KCNQ1: variants seen among roughly 807,000 people sequenced by gnomAD.
The protein encoded by KCNQ1 is potassium voltage-gated channel subfamily KQT member 1.
A neutral mutation model predicts 72.4 loss-of-function variants in KCNQ1; 49 were observed. That is an observed-to-expected ratio of 0.68 (90% CI 0.54 to 0.86). The LOEUF (loss-of-function observed/expected upper bound fraction) is 0.86, where lower values mean the gene tolerates loss of function less well. KCNQ1 is among the 40% of genes least tolerant of loss of function. The pLI, the probability that KCNQ1 is intolerant of heterozygous loss-of-function variation, is 0.00. For synonymous variants in KCNQ1, 450 were observed against 412.6 expected (o/e 1.09, Z -1.10); for missense variants, 790 against 945.1 (o/e 0.84, Z 2.15).
chr11:2,847,840 G>T lies in KCNQ1; in HGVS notation c.1868G>T (p.Ser623Ile), dbSNP rs758805986. The T allele has an allele frequency of 5.1e-6, 8 of 1,568,798 alleles. No homozygotes were observed. The highest frequency in any genetic ancestry group is 4.1e-5 in the African/African-American group (3 of 73,946). Residue 623 changes from serine to isoleucine, a missense_variant, in exon 16 of 16, where the codon AGC (serine) becomes ATC (isoleucine). Ser to Ile is a moderately radical substitution (Grantham distance 142, BLOSUM62 -2). Coordinates refer to ENST00000155840, the MANE Select transcript of KCNQ1 (RefSeq NM_000218.3). ...CAGCTGCTCTCCTTGCACGGTGGCA[G>T]CACCCCCGGCAGCGGCGGCCCCCCC... Reference protein sequence around the residue: ...LHQLLSLHGGSTPGSGGPPRE... With the variant: ...LHQLLSLHGGITPGSGGPPRE...
chr11:2,792,067 G>T (rs990432968), intron 15 of KCNQ1, among the ~76,000 whole-genome samples: 87 of 152,242 alleles, frequency 5.7e-4, no homozygotes, highest in African/African-American at 2.1e-3. Context: ...ACCCCGTTCC[G>T]CGTCCGCTGC....
In KCNQ1 at chr11:2,762,195, T is replaced by C. The variant is rs1590073286; in HGVS notation, c.1515-6649T>C. Among the ~76,000 whole-genome samples, 1 of 152,236 alleles carries C rather than the reference T, an allele frequency of 6.6e-6. No homozygotes were observed. The highest frequency in any genetic ancestry group is 1.5e-5 in the Non-Finnish European group (1 of 68,042). ...GTCAGGCCTGGGAGGGGGGCCTTCATGAGACCATCACGGAGATCTTGGGGC... is the reference window on the plus strand; with the variant it reads ...GTCAGGCCTGGGAGGGGGGCCTTCACGAGACCATCACGGAGATCTTGGGGC... On this transcript the variant is annotated intron_variant, in intron 11 of 15. Coordinates refer to ENST00000155840, the MANE Select transcript of KCNQ1 (RefSeq NM_000218.3). This position sits in a 1 kb window ranked among gnomAD's most constrained non-coding sequence, Gnocchi z 4.3.
chr11:2,700,226 T>G (rs1281092699), intron 11 of KCNQ1, among the ~76,000 whole-genome samples: 2 of 152,132 alleles, frequency 1.3e-5, no homozygotes, highest in Non-Finnish European at 2.9e-5. Context: ...AGGCACTGGC[T>G]GGGTGTGAGG....
In KCNQ1 at chr11:2,471,158, C is replaced by T. The variant is rs967114190; in HGVS notation, c.386+25674C>T. Among the ~76,000 whole-genome samples, 2 of 152,028 alleles carry T rather than the reference C, an allele frequency of 1.3e-5. No homozygotes were observed. The highest frequency in any genetic ancestry group is 2.9e-5 in the Non-Finnish European group (2 of 68,000). Reference sequence around the variant, plus strand: ...TCGATATCTCCCAACGGCTGGGGAACAAGGGCTGACTCGGCTGCAATCATC... The same window carrying T: ...TCGATATCTCCCAACGGCTGGGGAATAAGGGCTGACTCGGCTGCAATCATC... On this transcript the variant is annotated intron_variant, in intron 1 of 15. Coordinates refer to ENST00000155840, the MANE Select transcript of KCNQ1 (RefSeq NM_000218.3). This position sits in a 1 kb window ranked among gnomAD's most constrained non-coding sequence, Gnocchi z 4.8.
At position 2,457,164 on chromosome 11, in the gene KCNQ1, A is replaced by G. The variant is rs2133576055; in HGVS notation, c.386+11680A>G. 6.6e-6 allele frequency among the ~76,000 whole-genome samples: 1 copy of G among 152,244 alleles called. No individual in the cohort carries two copies. On this transcript the variant is annotated intron_variant, in intron 1 of 15. Transcript: ENST00000155840. This position sits in a 1 kb window ranked among gnomAD's most constrained non-coding sequence, Gnocchi z 5.0. Reference sequence around the variant, plus strand: ...TCAAAACAACAGATGCTGGAGAGGCAGTAGAGAAAGGGGAACACTTACACC... The same window carrying G: ...TCAAAACAACAGATGCTGGAGAGGCGGTAGAGAAAGGGGAACACTTACACC...
At chr11:2,460,465 C>A (rs1047455670) in intron 1 of KCNQ1, among the ~76,000 whole-genome samples, 6 of 152,322 alleles carry the variant, frequency 3.9e-5, no homozygotes, top group Non-Finnish European at 8.8e-5. Flanking sequence ...CAGCTCAAGG[C>A]CCTGGCCTCC....
In KCNQ1 at chr11:2,526,535, G is replaced by A. The variant is rs1404623054; in HGVS notation, c.387-1393G>A. On this transcript the variant is annotated intron_variant, in intron 1 of 15. Transcript: ENST00000155840. This position sits in a 1 kb window ranked among gnomAD's most constrained non-coding sequence, Gnocchi z 6.1. ...GGCTACCAGAGGCCAGGAAAGGATT[G>A]TCCTGTCCACAGGAGCTTGGGGAAG... 6.6e-6 allele frequency among the ~76,000 whole-genome samples: 1 copy of A among 152,018 alleles called. No homozygotes were observed. The highest frequency in any genetic ancestry group is 1.5e-5 in the Non-Finnish European group (1 of 67,990).
chr11:2,537,149 C>T lies in KCNQ1; in HGVS notation c.477+9131C>T, dbSNP rs1266657284. ...TCATCATATGAATTTGAGGGCAACC[C>T]AGGGGTCTCCAAACCATGGCCCACA... On this transcript the variant is annotated intron_variant, in intron 2 of 15. Transcript: ENST00000155840. The surrounding 1 kb of genome is among the most constrained non-coding windows in gnomAD (Gnocchi z 5.2). Among the ~76,000 whole-genome samples the T allele has an allele frequency of 6.6e-6, 1 of 151,856 alleles. No individual in the cohort carries two copies. Among genetic ancestry groups the T allele is most frequent in the Non-Finnish European group, 1.5e-5 (1 of 68,012 alleles).
In KCNQ1 at chr11:2,566,406, T is replaced by C. The variant is rs1848248390; in HGVS notation, c.478-4222T>C. On this transcript the variant is annotated intron_variant, in intron 2 of 15. Transcript: ENST00000155840. The surrounding 1 kb of genome is among the most constrained non-coding windows in gnomAD (Gnocchi z 6.7). ...TCCCGGGGCGGGGCTCTCTCTGCCA[T>C]GGACGCCAGTCTTCCCTCCCCTAAG... is the stretch of plus-strand genomic sequence containing the variant. Among the ~76,000 whole-genome samples, 1 of 152,152 alleles carries C rather than the reference T, an allele frequency of 6.6e-6. No homozygotes were observed. Among genetic ancestry groups the C allele is most frequent in the African/African-American group, 2.4e-5 (1 of 41,438 alleles).
intron 1 of KCNQ1, among the ~76,000 whole-genome samples, chr11:2,456,485 A>T (rs1235512471): frequency 6.6e-6 from 1 of 152,196 alleles, no homozygotes; most frequent in Non-Finnish European, 1.5e-5. Context: ...GCTGCTGCAC[A>T]GCAAGAGAGA....
Position 2,687,464 on chromosome 11 carries a change from C to G in KCNQ1, c.1514+25383C>G, listed in dbSNP as rs1850509942. 2.5e-6 allele frequency: 1 copy of G among 398,860 alleles called. No individual in the cohort carries two copies. The highest frequency in any genetic ancestry group is 3.6e-5 in the East Asian group (1 of 28,072). 24.7% of individuals were successfully genotyped at this position (398,860 alleles called of 1,614,324 possible). Reference sequence around the variant, plus strand: ...CAGATCCCTGCCTGCACAAGAGCTGCTGCAGCATTTCAATAGGGCCATCCC... The same window carrying G: ...CAGATCCCTGCCTGCACAAGAGCTGGTGCAGCATTTCAATAGGGCCATCCC... On this transcript the variant is annotated intron_variant, in intron 11 of 15. Transcript: ENST00000155840. The surrounding 1 kb of genome is among the most constrained non-coding windows in gnomAD (Gnocchi z 5.0).
rs1047389433 is a variant in KCNQ1, at chr11:2,750,966, C to G, written c.1515-17878C>G. Reference sequence around the variant, plus strand: ...AGGCTCTTTACCTCTGTCTGTGCACCCACCCAGCCCCTCCTGGGAAAAAGC... The same window carrying G: ...AGGCTCTTTACCTCTGTCTGTGCACGCACCCAGCCCCTCCTGGGAAAAAGC... On this transcript the variant is annotated intron_variant, in intron 11 of 15. Transcript: ENST00000155840. This position sits in a 1 kb window ranked among gnomAD's most constrained non-coding sequence, Gnocchi z 6.3. 6.6e-6 allele frequency among the ~76,000 whole-genome samples: 1 copy of G among 152,150 alleles called. No individual in the cohort carries two copies. The highest frequency in any genetic ancestry group is 2.4e-5 in the African/African-American group (1 of 41,418).
At position 2,661,880 on chromosome 11, in the gene KCNQ1, TG is replaced by T; in HGVS notation, c.1394-78del. The T allele has an allele frequency of 6.3e-7, 1 of 1,574,986 alleles. No homozygotes were observed. The highest frequency in any genetic ancestry group is 8.7e-7 in the Non-Finnish European group (1 of 1,145,882). On this transcript the variant is annotated intron_variant, in intron 10 of 15. Coordinates refer to ENST00000155840, the MANE Select transcript of KCNQ1 (RefSeq NM_000218.3). The surrounding 1 kb of genome is among the most constrained non-coding windows in gnomAD (Gnocchi z 5.9). ...ACAAGCTCCACTCCTCACCTGGCCCTGGGAGCTCACAGGCCTGGCTCCACAG... is the reference window on the plus strand; with the variant it reads ...ACAAGCTCCACTCCTCACCTGGCCCTGGAGCTCACAGGCCTGGCTCCACAG...
At chr11:2,699,180 C>T (rs1850728519) in intron 11 of KCNQ1, 1 of 398,618 alleles carries the variant, frequency 2.5e-6, no homozygotes, top group African/African-American at 2.1e-5. Context: ...AACTATAGAC[C>T]CGGAATCCGA....
Position 2,675,904 on chromosome 11 carries a change from G to A in KCNQ1, c.1514+13823G>A, listed in dbSNP as rs375720871. On this transcript the variant is annotated intron_variant, in intron 11 of 15. Transcript: ENST00000155840. ...CGTGCTTTATGTATTCAAGGGTTGTGCTACAAAAATCATACAACAGTCTTT... is the reference window on the plus strand; with the variant it reads ...CGTGCTTTATGTATTCAAGGGTTGTACTACAAAAATCATACAACAGTCTTT... 5.0e-5 allele frequency: 20 copies of A among 398,670 alleles called. No homozygotes were observed. In the South Asian group the frequency reaches 2.0e-3, roughly 41 times the overall value. 24.7% of individuals were successfully genotyped at this position (398,670 alleles called of 1,614,324 possible).
Position 2,601,394 on chromosome 11 carries a change from T to C in KCNQ1, c.1393+12540T>C, listed in dbSNP as rs368903245. ...AGCTTTTTATTTTTAGACATTCATA[T>C]GCAGTGGTAAGAAATAATAGGGATC... is the stretch of plus-strand genomic sequence containing the variant. On this transcript the variant is annotated intron_variant, in intron 10 of 15. Transcript: ENST00000155840. The surrounding 1 kb of genome is among the most constrained non-coding windows in gnomAD (Gnocchi z 5.2). 2.4e-3 allele frequency among the ~76,000 whole-genome samples: 359 copies of C among 152,348 alleles called. 1 individual carries two copies. Among genetic ancestry groups the C allele is most frequent in the Non-Finnish European group, 4.2e-3 (283 of 68,036 alleles).
rs10400212 is a variant in KCNQ1 at position 2,521,563 on chromosome 11, G to A, written c.387-6365G>A. On this transcript the variant is annotated intron_variant, in intron 1 of 15. Transcript: ENST00000155840. ...TTACACGCCCCGGGGTTTCAGCTTC[G>A]ACCCTGGGTGAGTTCCATGGTGCAG... 1.4e-3 allele frequency: 654 copies of A among 470,596 alleles called. 5 individuals are homozygous for A. Among genetic ancestry groups the A allele is most frequent in the African/African-American group, 9.9e-3 (495 of 50,190 alleles). 29.2% of individuals were successfully genotyped at this position (470,596 alleles called of 1,614,324 possible).
At chr11:2,743,906 G>A (rs944410709) in intron 11 of KCNQ1, among the ~76,000 whole-genome samples, 10 of 152,238 alleles carry the variant, frequency 6.6e-5, no homozygotes, top group African/African-American at 2.2e-4. Flanking sequence ...GTCACAGAAC[G>A]GCAGACTGGG....
rs1850033938 is a variant in KCNQ1, at chr11:2,664,761, CA to C, written c.1514+2681del. On this transcript the variant is annotated intron_variant, in intron 11 of 15. Transcript: ENST00000155840. The surrounding 1 kb of genome is among the most constrained non-coding windows in gnomAD (Gnocchi z 5.1). ...GACAGGGATGTGTGCTGGGGTCTCA[CA>C]GGGGGCAGAGTGGGTGGGAGGCAGT... 2.5e-6 allele frequency: 1 copy of C among 398,764 alleles called. No individual in the cohort carries two copies. Among genetic ancestry groups the C allele is most frequent in the Non-Finnish European group, 4.4e-6 (1 of 226,188 alleles). 24.7% of individuals were successfully genotyped at this position (398,764 alleles called of 1,614,324 possible).
Sources: allele counts gnomAD v4.1 joint callset (sites outside exome capture counted in the v4.1 genomes callset), GRCh38; gene constraint gnomAD v4.1.1; non-coding constraint Gnocchi (gnomAD v3.1); transcripts MANE v1.5; gene names NCBI Gene and HGNC (gene_info 2026-07-23, HGNC 2026-07-21).